Variants in NDST3 observed in about 807,000 individuals in gnomAD.
NDST3 encodes the protein bifunctional heparan sulfate N-deacetylase/N-sulfotransferase 3.
Under a neutral mutation model 96.1 loss-of-function variants are expected in NDST3, and 58 were observed. That is an observed-to-expected ratio of 0.60 (90% CI 0.49 to 0.75). The LOEUF (loss-of-function observed/expected upper bound fraction) is 0.75. Ranked by LOEUF, NDST3 falls within the 30% of genes least tolerant of loss-of-function variation. The pLI, the probability that NDST3 is intolerant of heterozygous loss-of-function variation, is 0.00. For missense variants in NDST3, 788 were observed against 1,034.2 expected, an observed-to-expected ratio of 0.76 and a Z score of 3.27; for synonymous variants, 333 against 359.7, an observed-to-expected ratio of 0.93 and a Z score of 0.84.
chr4:118,257,498 C>A lies in NDST3; in HGVS notation c.*1786C>A, dbSNP rs1471307908. On this transcript the variant is annotated 3_prime_UTR_variant, in exon 14 of 14. Transcript: ENST00000296499. ...ATTTAAGTAGTAAATTAATTCCCTG[C>A]TATGATTATAAGCCTTTATAAAATA... is the stretch of plus-strand genomic sequence containing the variant. 1 of 151,950 alleles carries A rather than the reference C, an allele frequency of 6.6e-6. No homozygotes were observed. Among genetic ancestry groups the A allele is most frequent in the African/African-American group, 2.4e-5 (1 of 41,342 alleles). 9.4% of individuals were successfully genotyped at this position (151,950 alleles called of 1,614,324 possible). A position where few individuals can be genotyped will look rare whatever the true frequency, so the allele number is the denominator to read the frequency against.
At chr4:118,113,709 T>A (rs1209352125) in intron 3 of NDST3, among the ~76,000 whole-genome samples, 2 of 151,988 alleles carry the variant, frequency 1.3e-5, no homozygotes, top group African/African-American at 4.8e-5. Flanking sequence ...ATAAAACAAA[T>A]CACATCAGAG....
chr4:118,065,470 T>G (rs528487548), intron 2 of NDST3, among the ~76,000 whole-genome samples: 7 of 152,182 alleles, frequency 4.6e-5, no homozygotes, highest in Admixed American at 2.0e-4. Context: ...CACCAAAGAT[T>G]GCTTGGTTGG....
chr4:118,252,213 T>C (rs1411749747), intron 12 of NDST3, among the ~76,000 whole-genome samples: 3 of 152,208 alleles, frequency 2.0e-5, no homozygotes, highest in Non-Finnish European at 2.9e-5. Flanking sequence ...CTTTTATATC[T>C]GAGCATACAA....
chr4:118,044,341 ACT>A (rs1724632680), intron 1 of NDST3, among the ~76,000 whole-genome samples: 1 of 152,086 alleles, frequency 6.6e-6, no homozygotes, highest in Admixed American at 6.5e-5. Flanking sequence ...TACAATGAAA[ACT>A]CTGTTGTCCA....
chr4:118,198,977 C>A (rs149395757), intron 6 of NDST3, among the ~76,000 whole-genome samples: 4 of 152,214 alleles, frequency 2.6e-5, no homozygotes, highest in East Asian at 3.9e-4. Context: ...CTTTTTGGAA[C>A]CTTTTTTTAT....
At chr4:118,097,388 G>A (rs1474776429) in intron 2 of NDST3, among the ~76,000 whole-genome samples, 1 of 151,782 alleles carries the variant, frequency 6.6e-6, no homozygotes, top group East Asian at 1.9e-4. Flanking sequence ...ACCAAGAAGT[G>A]AACACTAAAG....
At chr4:118,113,527 C>T (rs1434004249) in intron 3 of NDST3, among the ~76,000 whole-genome samples, 3 of 152,114 alleles carry the variant, frequency 2.0e-5, no homozygotes, top group Non-Finnish European at 4.4e-5. Flanking sequence ...ATGCCTTTAT[C>T]TCTAGTAAAG....
chr4:118,134,284 G>A (rs72907175), intron 4 of NDST3, among the ~76,000 whole-genome samples: 27,873 of 152,140 alleles, frequency 0.18, 2,704 homozygotes, highest in South Asian at 0.23. Flanking sequence ...AAAGAAGCAA[G>A]GATCATATGC....
Position 118,230,312 on chromosome 4 carries a change from G to A in NDST3, c.1820-2700G>A, listed in dbSNP as rs1054886306. On this transcript the variant is annotated intron_variant, in intron 8 of 13. Coordinates refer to ENST00000296499, the MANE Select transcript of NDST3 (RefSeq NM_004784.3). ...GTGCAGGCCAGGCACGGTGGCTCACGCCTGTAATCCCAGCACTTTGGGAGG... is the reference window on the plus strand; with the variant it reads ...GTGCAGGCCAGGCACGGTGGCTCACACCTGTAATCCCAGCACTTTGGGAGG... Among the ~76,000 whole-genome samples the A allele has an allele frequency of 4.6e-5, 7 of 152,144 alleles. No individual in the cohort carries two copies. In the South Asian group the frequency reaches 8.3e-4, roughly 18 times the overall value.
In NDST3 at chr4:118,247,460, G is replaced by C. The variant is rs1741390718; in HGVS notation, c.2399+5311G>C. 3.3e-5 allele frequency among the ~76,000 whole-genome samples: 5 copies of C among 152,244 alleles called. No homozygotes were observed. The South Asian group carries it at 1.0e-3, about 32-fold the overall frequency. On this transcript the variant is annotated intron_variant, in intron 12 of 13. Coordinates refer to ENST00000296499, the MANE Select transcript of NDST3 (RefSeq NM_004784.3). ...CCAGCTACTCCAGAGGCTGAGGCAG[G>C]AGAATTGCTTGAACCCAGGAGGTGG...
chr4:118,053,155 T>A (rs562831078), intron 1 of NDST3, among the ~76,000 whole-genome samples: 26 of 152,096 alleles, frequency 1.7e-4, no homozygotes, highest in African/African-American at 6.3e-4. Context: ...TTTTGGAAAA[T>A]GCAACTATGA....
chr4:118,079,743 G>C (rs1727858367), intron 2 of NDST3, among the ~76,000 whole-genome samples: 2 of 152,196 alleles, frequency 1.3e-5, no homozygotes, highest in Non-Finnish European at 2.9e-5. Context: ...ATGGAGAATG[G>C]ACTGTAGAAA....
chr4:118,066,265 TTA>T (rs1331799852), intron 2 of NDST3, among the ~76,000 whole-genome samples: 3 of 14,620 alleles, frequency 2.1e-4, no homozygotes, highest in Non-Finnish European at 2.7e-4. Flanking sequence ...ATTATATATA[TTA>T]TATATATTAT....
At chr4:118,231,347 AT>A (rs1202467393) in intron 8 of NDST3, among the ~76,000 whole-genome samples, 6 of 113,386 alleles carry the variant, frequency 5.3e-5, no homozygotes, top group Admixed American at 2.9e-4. Context: ...AAAAAAATAA[AT>A]AAATAATAAT....
At chr4:118,113,924 G>A (rs1053403783) in intron 3 of NDST3, among the ~76,000 whole-genome samples, 4 of 152,158 alleles carry the variant, frequency 2.6e-5, no homozygotes, top group South Asian at 2.1e-4. Flanking sequence ...TAGTAAAGAA[G>A]ATATGCCTAG....
At position 118,233,097 on chromosome 4, in the gene NDST3, G is replaced by A. The variant is rs1271018753; in HGVS notation, c.1905G>A (p.Gln635=). 3 of 1,612,802 alleles carry A rather than the reference G, an allele frequency of 1.9e-6. No individual in the cohort carries two copies. In the East Asian group the frequency reaches 6.7e-5, roughly 36 times the overall value. The change falls in exon 9 of 14, where the codon CAG becomes CAA. Residue 635 remains glutamine, a synonymous_variant. Transcript: ENST00000296499. ...SPSPKTFEEV[Q]FFNRNNYHRG... ...GCCCAAAAACCTTTGAGGAGGTACA[G>A]TTCTTTAATAGAAATAACTACCACA...
intron 6 of NDST3, among the ~76,000 whole-genome samples, chr4:118,189,635 A>C (rs1274671459): frequency 6.6e-6 from 1 of 152,170 alleles, no homozygotes; most frequent in Non-Finnish European, 1.5e-5. Flanking sequence ...TTTTAAAACC[A>C]AAACCTTTAC....
intron 6 of NDST3, among the ~76,000 whole-genome samples, chr4:118,160,053 A>G (rs1243680435): frequency 1.3e-5 from 2 of 152,324 alleles, no homozygotes; most frequent in Middle Eastern, 3.4e-3. Context: ...GTAGAGATCC[A>G]AGTTCAAGAA....
At chr4:118,133,072 G>A (rs767209011) in intron 4 of NDST3, among the ~76,000 whole-genome samples, 7 of 152,184 alleles carry the variant, frequency 4.6e-5, no homozygotes, top group Non-Finnish European at 8.8e-5. Context: ...TCTGGCTAGT[G>A]TCTCCCTAGG....
Sources: gnomAD v4.1 joint callset for allele counts (sites outside exome capture counted in the v4.1 genomes callset) on GRCh38, gnomAD v4.1.1 for gene constraint, MANE v1.5 for transcripts, NCBI Gene and HGNC (gene_info 2026-07-23, HGNC 2026-07-21) for gene names.